Variants in LAMB1 observed in about 807,000 individuals in gnomAD.
The protein encoded by LAMB1 is laminin subunit beta-1.
Under a neutral mutation model 222.3 loss-of-function variants are expected in LAMB1, and 121 were observed. The observed-to-expected ratio is 0.54, with a 90% CI of 0.47 to 0.63. LAMB1 has a LOEUF of 0.63. Ranked by LOEUF, LAMB1 falls within the 30% of genes least tolerant of loss-of-function variation. The probability of loss-of-function intolerance (pLI) is 0.00; values close to 1 mark genes in which losing one functional copy is unlikely to be tolerated. For missense variants in LAMB1, 2,172 were observed against 2,240.8 expected, an observed-to-expected ratio of 0.97 and a Z score of 0.62; for synonymous variants, 794 against 807.2, an observed-to-expected ratio of 0.98 and a Z score of 0.28.
At position 107,978,204 on chromosome 7, in the gene LAMB1, A is replaced by T. The variant is rs117204837; in HGVS notation, c.880-37T>A. ...TAAAAACAGGAGAGAACAAAGGAAGAGATGTATGAATAGCCACGTTTCTCC... is the reference window on the plus strand; with the variant it reads ...TAAAAACAGGAGAGAACAAAGGAAGTGATGTATGAATAGCCACGTTTCTCC... On this transcript the variant is annotated intron_variant, in intron 8 of 33. Transcript: ENST00000222399. The T allele has an allele frequency of 2.2e-5, 36 of 1,604,894 alleles. No homozygotes were observed. The African/African-American group carries it at 3.6e-4, about 16-fold the overall frequency.
Position 107,939,895 on chromosome 7 carries a change from C to T in LAMB1, c.3761+94G>A, listed in dbSNP as rs933617913. On this transcript the variant is annotated intron_variant, in intron 25 of 33. Transcript: ENST00000222399. ...CTCACCCACAGGACTAACAAAACCT[C>T]CTGATGGAAGCACCATGCCAGGAAA... is the stretch of plus-strand genomic sequence containing the variant. The T allele has an allele frequency of 2.1e-6, 3 of 1,415,264 alleles. No homozygotes were observed. In the African/African-American group the frequency reaches 4.2e-5, roughly 20 times the overall value. The allele number at this position is 1,415,264 out of a possible 1,614,324, so 87.7% of individuals were successfully genotyped here.
At position 107,923,989 on chromosome 7, in the gene LAMB1, T is replaced by C. The variant is rs1584478373; in HGVS notation, c.5323A>G (p.Ile1775Val). The change falls in exon 34 of 34, where the codon ATA (isoleucine) becomes GTA (valine). Residue 1775 changes from isoleucine to valine, a missense_variant. Transcript: ENST00000222399. ...CTATACACAGCAACTTTCTGGCTTA[T>C]ATCCTTTAGGAGTGAACGGACTTCT... ...EGEVRSLLKD[I>V]SQKVAVYSTC... 5 of 1,609,544 alleles carry C rather than the reference T, an allele frequency of 3.1e-6. No individual in the cohort carries two copies. The South Asian group carries it at 3.3e-5, about 11-fold the overall frequency.
At chr7:107,958,686 C>T (rs1207257060) in intron 20 of LAMB1, among the ~76,000 whole-genome samples, 1 of 152,086 alleles carries the variant, frequency 6.6e-6, no homozygotes, top group Non-Finnish European at 1.5e-5. Context: ...ATTGAGCTAT[C>T]CTATTAATGT....
chr7:107,970,072 A>G (rs1175297146), intron 13 of LAMB1, among the ~76,000 whole-genome samples: 1 of 152,224 alleles, frequency 6.6e-6, no homozygotes, highest in Non-Finnish European at 1.5e-5. Flanking sequence ...AAAAACAAAG[A>G]TGACATAATC....
chr7:107,934,858 G>C (rs2032800424), intron 27 of LAMB1, among the ~76,000 whole-genome samples: 1 of 137,254 alleles, frequency 7.3e-6, no homozygotes, highest in African/African-American at 2.7e-5. Context: ...TTCAGCCTAG[G>C]AGTTTGAGGT....
chr7:107,924,257 C>CTTT lies in LAMB1; in HGVS notation c.5196_5197insAAA (p.Gln1732_Ala1733insLys). ...TTGAGCAGTTGCAGCTTGCTATTTG[C>CTTT]TTGAGCTAAAAGAGTTTTTGCTTCA... On this transcript the variant is annotated inframe_insertion, in exon 33 of 34. Coordinates refer to ENST00000222399, the MANE Select transcript of LAMB1 (RefSeq NM_002291.3). 6.2e-7 allele frequency: 1 copy of CTTT among 1,611,720 alleles called. No individual in the cohort carries two copies. The highest frequency in any genetic ancestry group is 2.2e-5 in the East Asian group (1 of 44,816).
At chr7:107,955,734 C>T (rs2033362036) in intron 20 of LAMB1, 104 bp from the exon 21 acceptor site, 2 of 1,016,222 alleles carry the variant, frequency 2.0e-6, no homozygotes, top group African/African-American at 1.6e-5. Flanking sequence ...CTCTTCTCCA[C>T]TCCTCATGTT....
chr7:108,000,947 T>C (rs1242290695), intron 3 of LAMB1, among the ~76,000 whole-genome samples: 1 of 152,248 alleles, frequency 6.6e-6, no homozygotes, highest in Admixed American at 6.5e-5. Flanking sequence ...ATATGACCCC[T>C]GAAATCTAAA....
intron 2 of LAMB1, chr7:108,002,315 G>C (rs2034406916): frequency 7.6e-7 from 1 of 1,317,382 alleles, no homozygotes; most frequent in Non-Finnish European, 1.0e-6. Context: ...GGAGCCCATG[G>C]ACAGTCCCTG....
intron 5 of LAMB1, among the ~76,000 whole-genome samples, chr7:107,988,024 T>C (rs1420781889): frequency 6.6e-6 from 1 of 152,166 alleles, no homozygotes; most frequent in Non-Finnish European, 1.5e-5. Flanking sequence ...ACATGGATGA[T>C]ACAAAACACA....
chr7:107,998,379 C>A lies in LAMB1; in HGVS notation c.327G>T (p.Lys109Asn). The A allele has an allele frequency of 6.2e-7, 1 of 1,614,064 alleles. No individual in the cohort carries two copies. Among genetic ancestry groups the A allele is most frequent in the Non-Finnish European group, 8.5e-7 (1 of 1,180,014 alleles). Residue 109 changes from lysine to asparagine, a missense_variant, in exon 4 of 34, where the codon AAG becomes AAT. Transcript: ENST00000222399. ...VVTTFAPNRL[K>N]IWWQSENGVE... ...TACCATTTTCAGATTGCCACCAAAT[C>A]TTAAGGCGGTTTGGAGCAAATGTAG...
At chr7:107,986,797 A>G (rs1319973595) in intron 5 of LAMB1, among the ~76,000 whole-genome samples, 1 of 152,244 alleles carries the variant, frequency 6.6e-6, no homozygotes, top group African/African-American at 2.4e-5. Context: ...TGTTATACAC[A>G]GTCCAATGAG....
At chr7:107,988,970 C>T (rs1439324023) in intron 5 of LAMB1, among the ~76,000 whole-genome samples, 1 of 152,186 alleles carries the variant, frequency 6.6e-6, no homozygotes, top group Non-Finnish European at 1.5e-5. Flanking sequence ...ACCCTCACAA[C>T]ACATTTGTCT....
chr7:107,975,130 C>T (rs1158531435), intron 11 of LAMB1, 32 bp from the exon 12 acceptor site: 1 of 1,545,906 alleles, frequency 6.5e-7, no homozygotes, highest in South Asian at 1.1e-5. Flanking sequence ...TGGAGAAACA[C>T]AGACCACGTG....
At position 107,994,713 on chromosome 7, in the gene LAMB1, T is replaced by C. The variant is rs74591776; in HGVS notation, c.423+174A>G. ...ACTTATTGTCATGAAGATAGAGTAT[T>C]TGTTAAATGCAGTTATTCATGCTCG... On this transcript the variant is annotated intron_variant, in intron 5 of 33. Coordinates refer to ENST00000222399, the MANE Select transcript of LAMB1 (RefSeq NM_002291.3). Among the ~76,000 whole-genome samples the C allele has an allele frequency of 0.016, 2,441 of 152,332 alleles. 28 individuals are homozygous for C. Among genetic ancestry groups the C allele is most frequent in the Non-Finnish European group, 0.025 (1,712 of 68,018 alleles).
At chr7:107,981,978 C>T (rs1213085978) in intron 7 of LAMB1, among the ~76,000 whole-genome samples, 1 of 152,154 alleles carries the variant, frequency 6.6e-6, no homozygotes, top group African/African-American at 2.4e-5. Flanking sequence ...AACGTTTCCA[C>T]GTTTCTCAAT....
chr7:107,960,293 C>CT, intron 18 of LAMB1, 152 bp downstream of exon 18: 1 of 617,370 alleles, frequency 1.6e-6, no homozygotes, highest in Non-Finnish European at 2.9e-6. Flanking sequence ...TGAAATATTA[C>CT]TTAAAAAGAT....
chr7:107,926,626 A>C (rs2032573513), intron 31 of LAMB1, among the ~76,000 whole-genome samples: 1 of 152,146 alleles, frequency 6.6e-6, no homozygotes, highest in African/African-American at 2.4e-5. Context: ...GTAAAAAAAA[A>C]CAAAAAACCC....
intron 24 of LAMB1, among the ~76,000 whole-genome samples, chr7:107,947,825 T>C (rs894546069): frequency 6.6e-6 from 1 of 152,120 alleles, no homozygotes; most frequent in African/African-American, 2.4e-5. Flanking sequence ...CAAGTGCCTA[T>C]AGCAATGACC....
Sources: allele counts gnomAD v4.1 joint callset (sites outside exome capture counted in the v4.1 genomes callset), GRCh38; gene constraint gnomAD v4.1.1; transcripts MANE v1.5; gene names NCBI Gene and HGNC (gene_info 2026-07-23, HGNC 2026-07-21).